The following HSF2BP variants were observed in gnomAD, a reference collection of about 807,000 sequenced individuals.
The protein encoded by HSF2BP is heat shock factor 2-binding protein.
In HSF2BP, 35 loss-of-function variants were observed where a neutral mutation model predicts 35.0. The ratio of observed to expected loss-of-function variants is 1.00; its 90% CI spans 0.76 to 1.32. The LOEUF (loss-of-function observed/expected upper bound fraction) is 1.32, where lower values mean the gene tolerates loss of function less well. Ranked by LOEUF, HSF2BP falls within the 40% of genes most tolerant of loss-of-function variation. The pLI is 0.00. For missense variants in HSF2BP, 326 were observed against 321.7 expected (o/e 1.01, Z -0.10); for synonymous variants, 114 against 117.4 (o/e 0.97, Z 0.18).
At chr21:43,585,102 T>G (rs2081831692) in intron 8 of HSF2BP, among the ~76,000 whole-genome samples, 1 of 150,464 alleles carries the variant, frequency 6.6e-6, no homozygotes, top group Non-Finnish European at 1.5e-5. Flanking sequence ...AGACCAGGAG[T>G]TCAAGACCAG....
intron 8 of HSF2BP, among the ~76,000 whole-genome samples, chr21:43,576,233 C>T (rs1236152858): frequency 6.6e-6 from 1 of 151,740 alleles, no homozygotes; most frequent in East Asian, 1.9e-4. Flanking sequence ...ACTTCAATTT[C>T]TAAGTGGAAA....
At chr21:43,577,226 A>G (rs934996847) in intron 8 of HSF2BP, among the ~76,000 whole-genome samples, 6 of 152,276 alleles carry the variant, frequency 3.9e-5, no homozygotes, top group Admixed American at 1.3e-4. Context: ...TGCTGGCAGG[A>G]TATGTTTTTA....
At chr21:43,606,172 C>T (rs1446840030) in intron 7 of HSF2BP, among the ~76,000 whole-genome samples, 1 of 152,152 alleles carries the variant, frequency 6.6e-6, no homozygotes, top group Non-Finnish European at 1.5e-5. Flanking sequence ...CGAGGTCTGC[C>T]TCCACCAGTG....
intron 7 of HSF2BP, among the ~76,000 whole-genome samples, chr21:43,596,336 A>T (rs757120132): frequency 5.3e-5 from 8 of 152,154 alleles, no homozygotes; most frequent in Non-Finnish European, 8.8e-5. Flanking sequence ...GAAAATTGGG[A>T]AACTGAACAA....
At chr21:43,630,561 T>C in intron 5 of HSF2BP, 107 bp from the exon 6 acceptor site, 1 of 1,312,702 alleles carries the variant, frequency 7.6e-7, no homozygotes, top group Non-Finnish European at 1.0e-6. Context: ...TAGAATATTG[T>C]AAAATCTATT....
intron 2 of HSF2BP, chr21:43,657,735 C>A (rs1482477355): frequency 4.3e-6 from 3 of 700,164 alleles, no homozygotes; most frequent in Non-Finnish European, 3.5e-6. Flanking sequence ...GGGCCAGGGC[C>A]TTCGGAGGGG....
chr21:43,647,003 A>G (rs150790691), intron 3 of HSF2BP, among the ~76,000 whole-genome samples: 11 of 152,358 alleles, frequency 7.2e-5, no homozygotes, highest in African/African-American at 2.6e-4. Context: ...GGAATATAGT[A>G]GGCAATACAT....
In HSF2BP at chr21:43,613,825, C is replaced by T. The variant is rs778530630; in HGVS notation, c.692+5G>A. 8 of 1,578,708 alleles carry T rather than the reference C, an allele frequency of 5.1e-6. No homozygotes were observed. The highest frequency in any genetic ancestry group is 7.0e-6 in the Non-Finnish European group (8 of 1,148,064). ...GAATTAACTTTTTAACATTATCCAC[C>T]ATACACTTTGAGTTTGGTACACTGT... On this transcript the variant is annotated splice_donor_5th_base_variant and intron_variant, in intron 7 of 8. Coordinates refer to ENST00000291560, the MANE Select transcript of HSF2BP (RefSeq NM_007031.2).
At chr21:43,631,429 T>C (rs760840706) in intron 5 of HSF2BP, among the ~76,000 whole-genome samples, 94 of 151,854 alleles carry the variant, frequency 6.2e-4, no homozygotes, top group Non-Finnish European at 9.9e-4. Context: ...TTCTTTCCCA[T>C]CTCCCCTGCA....
chr21:43,654,446 T>C (rs2082838400), intron 3 of HSF2BP, among the ~76,000 whole-genome samples: 1 of 152,210 alleles, frequency 6.6e-6, no homozygotes, highest in Non-Finnish European at 1.5e-5. Context: ...TTGGTCCCTT[T>C]AGACACAGTT....
At chr21:43,652,276 G>A (rs147961344) in intron 3 of HSF2BP, among the ~76,000 whole-genome samples, 6,194 of 151,976 alleles carry the variant, frequency 0.041, 421 homozygotes, top group African/African-American at 0.14. Context: ...GATGGCAGGC[G>A]CCTGTATTCC....
rs761901910 is a variant in HSF2BP at position 43,630,344 on chromosome 21, G to A, written c.552C>T (p.Phe184=). 1.4e-5 allele frequency: 23 copies of A among 1,612,004 alleles called. No individual in the cohort carries two copies. The highest frequency in any genetic ancestry group is 3.4e-5 in the Admixed American group (2 of 59,570). The part of the protein sequence containing the change: ...ELDSDESQFV[F]ALAGIVTNVA... Reference sequence around the variant, plus strand: ...TACTCGTGACAATTCCAGCCAGAGCGAAAACAAACTGACTTTCATCCGAAT... The same window carrying A: ...TACTCGTGACAATTCCAGCCAGAGCAAAAACAAACTGACTTTCATCCGAAT... Residue 184 remains phenylalanine (F), a synonymous_variant, in exon 6 of 9, where the codon TTC becomes TTT. Coordinates refer to ENST00000291560, the MANE Select transcript of HSF2BP (RefSeq NM_007031.2).
chr21:43,468,094 A>G, the HSF2BP span, among the ~76,000 whole-genome samples: 4 of 120,778 alleles, frequency 3.3e-5, no homozygotes, highest in African/African-American at 9.6e-5. Flanking sequence ...CACACCACAT[A>G]CCACACACCA....
chr21:43,604,465 C>T lies in HSF2BP; in HGVS notation c.692+9365G>A, dbSNP rs371057775. On this transcript the variant is annotated intron_variant, in intron 7 of 8. Transcript: ENST00000291560. ...CACCACGCACACACCACACACACAA[C>T]ACACAGCACGCACACCATACACACA... Among the ~76,000 whole-genome samples, 43 of 129,762 alleles carry T rather than the reference C, an allele frequency of 3.3e-4. No individual in the cohort carries two copies. The East Asian group carries it at 8.7e-3, about 26-fold the overall frequency. The allele number at this position is 129,762 out of a possible 152,430, so 85.1% of individuals were successfully genotyped here. A position where few individuals can be genotyped will look rare whatever the true frequency, so the allele number is the denominator to read the frequency against.
intron 7 of HSF2BP, among the ~76,000 whole-genome samples, chr21:43,609,622 T>C (rs1180408943): frequency 6.6e-6 from 1 of 151,868 alleles, no homozygotes; most frequent in Non-Finnish European, 1.5e-5. Flanking sequence ...GGCTGATTTA[T>C]AGTATGAGAA....
chr21:43,619,248 T>C (rs1285599635), intron 6 of HSF2BP, among the ~76,000 whole-genome samples: 1 of 152,224 alleles, frequency 6.6e-6, no homozygotes, highest in African/African-American at 2.4e-5. Flanking sequence ...CTACGGTATC[T>C]CTGAGGTATG....
chr21:43,595,635 G>A (rs1290286314), intron 7 of HSF2BP, among the ~76,000 whole-genome samples: 1 of 149,768 alleles, frequency 6.7e-6, no homozygotes, highest in Admixed American at 6.7e-5. Context: ...TCCAGCCTGT[G>A]TGACAGAGCA....
chr21:43,602,263 G>C (rs1458839825), intron 7 of HSF2BP, among the ~76,000 whole-genome samples: 2 of 152,228 alleles, frequency 1.3e-5, no homozygotes, highest in African/African-American at 4.8e-5. Flanking sequence ...AAGACATTTT[G>C]TGGAAACACT....
intron 7 of HSF2BP, among the ~76,000 whole-genome samples, 197 bp downstream of exon 7, chr21:43,613,633 G>A (rs2082235658): frequency 6.6e-6 from 1 of 152,164 alleles, no homozygotes; most frequent in Admixed American, 6.5e-5. Flanking sequence ...TCTAAGGTGA[G>A]AACATTCCTT....
Sources: gnomAD v4.1 joint callset for allele counts (sites outside exome capture counted in the v4.1 genomes callset) on GRCh38, gnomAD v4.1.1 for gene constraint, MANE v1.5 for transcripts, NCBI Gene and HGNC (gene_info 2026-07-23, HGNC 2026-07-21) for gene names.